Variants in ABCA13 observed in about 807,000 individuals in gnomAD.
ABCA13 encodes ATP binding cassette subfamily A member 13.
In ABCA13, 476 loss-of-function variants were observed where a neutral mutation model predicts 478.7. The observed-to-expected ratio is 0.99, with a 90% CI of 0.92 to 1.07. The LOEUF (loss-of-function observed/expected upper bound fraction) is 1.07, where lower values mean the gene tolerates loss of function less well. ABCA13 is among the 50% of genes least tolerant of loss of function. ABCA13 has a pLI of 0.00. For missense variants in ABCA13, 6,060 were observed against 5,910.6 expected (o/e 1.03, Z -0.83); for synonymous variants, 2,252 against 2,158.9 (o/e 1.04, Z -1.20).
chr7:48,524,558 T>C, intron 54 of ABCA13, 118 bp downstream of exon 54: 1 of 935,814 alleles, frequency 1.1e-6, no homozygotes, highest in Non-Finnish European at 1.5e-6. Flanking sequence ...GCCTTCAAAT[T>C]TTAGAAATTC....
intron 18 of ABCA13, 142 bp downstream of exon 18, chr7:48,280,062 T>A: frequency 1.2e-6 from 1 of 854,566 alleles, no homozygotes; most frequent in Non-Finnish European, 1.6e-6. Context: ...GGCTTCAACA[T>A]AGAGCAATTC....
chr7:48,359,695 C>T (rs186641305), intron 31 of ABCA13, among the ~76,000 whole-genome samples: 1 of 151,954 alleles, frequency 6.6e-6, no homozygotes, highest in Non-Finnish European at 1.5e-5. Flanking sequence ...GGAAATTTGC[C>T]TCCTCCCTGC....
chr7:48,362,624 C>A (rs1811059544), intron 31 of ABCA13, among the ~76,000 whole-genome samples: 1 of 151,026 alleles, frequency 6.6e-6, no homozygotes, highest in East Asian at 1.9e-4. Context: ...GTTTCTTATG[C>A]TTATAATTTT....
At chr7:48,340,848 T>G (rs1807048894) in intron 29 of ABCA13, among the ~76,000 whole-genome samples, 1 of 152,234 alleles carries the variant, frequency 6.6e-6, no homozygotes, top group African/African-American at 2.4e-5. Context: ...AAAAAGTCCC[T>G]TCATCTAGCT....
intron 55 of ABCA13, among the ~76,000 whole-genome samples, chr7:48,578,002 A>G (rs1385257460): frequency 1.3e-5 from 2 of 152,158 alleles, no homozygotes; most frequent in Non-Finnish European, 2.9e-5. Flanking sequence ...GATGCATAAC[A>G]ACATTTTTCA....
At chr7:48,191,570 A>AT (rs970421258) in intron 1 of ABCA13, among the ~76,000 whole-genome samples, 8 of 151,192 alleles carry the variant, frequency 5.3e-5, no homozygotes, top group South Asian at 2.1e-4. Flanking sequence ...TGCCTGGCTA[A>AT]TTTTTTTTTG....
chr7:48,514,380 CA>C (rs1831952676), intron 51 of ABCA13, among the ~76,000 whole-genome samples: 1 of 152,074 alleles, frequency 6.6e-6, no homozygotes, highest in Non-Finnish European at 1.5e-5. Flanking sequence ...GAGGTTTAAG[CA>C]GAATAACATG....
intron 51 of ABCA13, among the ~76,000 whole-genome samples, chr7:48,513,620 G>A (rs1182465345): frequency 2.0e-5 from 3 of 152,108 alleles, no homozygotes; most frequent in African/African-American, 4.8e-5. Flanking sequence ...ATTTTCTTCC[G>A]CCATAAATTC....
intron 1 of ABCA13, among the ~76,000 whole-genome samples, chr7:48,178,769 A>C (rs566396145): frequency 7.9e-5 from 12 of 151,658 alleles, no homozygotes; most frequent in African/African-American, 2.9e-4. Flanking sequence ...TGGAAAACTG[A>C]CTGGATTTCA....
chr7:48,282,517 G>T (rs1267772942), intron 19 of ABCA13, among the ~76,000 whole-genome samples: 8 of 152,118 alleles, frequency 5.3e-5, no homozygotes, highest in African/African-American at 1.9e-4. Flanking sequence ...GAAGCCAAGG[G>T]TGGATCCGAT....
At chr7:48,342,601 A>C (rs528551968) in intron 29 of ABCA13, among the ~76,000 whole-genome samples, 213 of 152,104 alleles carry the variant, frequency 1.4e-3, no homozygotes, top group Middle Eastern at 6.8e-3. Flanking sequence ...CATTTCTTGA[A>C]TCAGTGGCCA....
intron 59 of ABCA13, among the ~76,000 whole-genome samples, chr7:48,633,269 T>C (rs1369499333): frequency 1.3e-5 from 2 of 152,208 alleles, no homozygotes; most frequent in Non-Finnish European, 2.9e-5. Context: ...CTCAAATTCA[T>C]AAAACAAGTA....
At chr7:48,508,991 T>C (rs1339574447) in intron 50 of ABCA13, among the ~76,000 whole-genome samples, 1 of 152,202 alleles carries the variant, frequency 6.6e-6, no homozygotes, top group South Asian at 2.1e-4. Context: ...CAGGAGTTCA[T>C]TTAATTTAAT....
intron 48 of ABCA13, among the ~76,000 whole-genome samples, chr7:48,504,707 A>G (rs934651431): frequency 7.2e-5 from 11 of 152,168 alleles, no homozygotes; most frequent in African/African-American, 2.4e-4. Context: ...CATTGCAAAT[A>G]TACTCCACAG....
At chr7:48,489,774 A>G (rs1011512730) in intron 48 of ABCA13, among the ~76,000 whole-genome samples, 7 of 152,170 alleles carry the variant, frequency 4.6e-5, no homozygotes, top group South Asian at 2.1e-4. Context: ...TCAATTCATC[A>G]GTTATTTATG....
chr7:48,391,984 A>G lies in ABCA13; in HGVS notation c.11718A>G (p.Leu3906=), dbSNP rs754113784. Reference sequence around the variant, plus strand: ...CCATCATCATCAATGGCAAGAACCTACAGACAGACCTGTCGAGGGTCAGAA... The same window carrying G: ...CCATCATCATCAATGGCAAGAACCTGCAGACAGACCTGTCGAGGGTCAGAA... ...SGTIIINGKN[L]QTDLSRVRME... The change falls in exon 38 of 62, where the codon CTA becomes CTG. Residue 3906 remains leucine (L), a synonymous_variant. Coordinates refer to ENST00000435803, the MANE Select transcript of ABCA13 (RefSeq NM_152701.5). The G allele has an allele frequency of 1.2e-6, 2 of 1,613,874 alleles. No individual in the cohort carries two copies. The highest frequency in any genetic ancestry group is 1.7e-6 in the Non-Finnish European group (2 of 1,179,886).
intron 26 of ABCA13, among the ~76,000 whole-genome samples, chr7:48,316,934 GA>G (rs1195284135): frequency 6.6e-6 from 1 of 152,174 alleles, no homozygotes; most frequent in Non-Finnish European, 1.5e-5. Context: ...AAGATCTAAA[GA>G]CTTCTTGTTA....
chr7:48,453,084 T>C (rs1402294843), intron 42 of ABCA13, among the ~76,000 whole-genome samples: 1 of 152,202 alleles, frequency 6.6e-6, no homozygotes, highest in African/African-American at 2.4e-5. Flanking sequence ...AATCTGTCTA[T>C]ATGCTGACTT....
At chr7:48,614,905 G>A (rs1477729118) in intron 58 of ABCA13, among the ~76,000 whole-genome samples, 1 of 106,970 alleles carries the variant, frequency 9.3e-6, no homozygotes, top group Non-Finnish European at 1.8e-5. Context: ...GGAGGGGGGA[G>A]GGATAACATT....
Sources: allele counts gnomAD v4.1 joint callset (sites outside exome capture counted in the v4.1 genomes callset), GRCh38; gene constraint gnomAD v4.1.1; transcripts MANE v1.5; gene names NCBI Gene and HGNC (gene_info 2026-07-23, HGNC 2026-07-21).